The following GTF2IRD1 variants were observed in gnomAD, a reference collection of about 807,000 sequenced individuals.
The protein encoded by GTF2IRD1 is GTF2I repeat domain containing 1.
In GTF2IRD1, 26 loss-of-function variants were observed where a neutral mutation model predicts 113.2. The observed-to-expected ratio is 0.23, with a 90% CI of 0.17 to 0.32. GTF2IRD1 has a LOEUF of 0.32. Among genes scored for constraint, GTF2IRD1 ranks in the 10% least tolerant of loss-of-function variants. The pLI is 1.00. For synonymous variants in GTF2IRD1, 484 were observed against 529.1 expected (o/e 0.91, Z 1.17); for missense variants, 864 against 1,280.8 (o/e 0.67, Z 4.97).
chr7:74,567,696 G>A (rs1402720960), intron 22 of GTF2IRD1, among the ~76,000 whole-genome samples: 3 of 151,972 alleles, frequency 2.0e-5, no homozygotes, highest in East Asian at 1.9e-4. Context: ...GCCACACATC[G>A]GGGGGGTCAG....
At position 74,587,210 on chromosome 7, in the gene GTF2IRD1, C is replaced by A. The variant is rs1354463743; in HGVS notation, c.2321-2641C>A. Among the ~76,000 whole-genome samples the A allele has an allele frequency of 2.6e-5, 4 of 152,120 alleles. No individual in the cohort carries two copies. The East Asian group carries it at 7.8e-4, about 29-fold the overall frequency. On this transcript the variant is annotated intron_variant, in intron 22 of 26. Coordinates refer to ENST00000424337, the MANE Select transcript of GTF2IRD1 (RefSeq NM_005685.4). ...CTGTAATCCCAGCACTTTGGGAGAC[C>A]GAGGCAGGCAGATCACCTGAGCTCA...
intron 1 of GTF2IRD1, chr7:74,506,038 G>A (rs1554340980): frequency 6.6e-6 from 1 of 152,182 alleles, no homozygotes; most frequent in Non-Finnish European, 1.5e-5. Context: ...AACGCCCACC[G>A]GCCAGTTGTT....
chr7:74,551,811 C>T (rs782586644), intron 17 of GTF2IRD1, among the ~76,000 whole-genome samples: 5 of 152,110 alleles, frequency 3.3e-5, no homozygotes, highest in Non-Finnish European at 7.4e-5. Flanking sequence ...TGGCGTGTGC[C>T]TGTAATCCCA....
intron 1 of GTF2IRD1, among the ~76,000 whole-genome samples, chr7:74,462,365 A>G (rs1395356968): frequency 6.6e-6 from 1 of 152,132 alleles, no homozygotes; most frequent in Non-Finnish European, 1.5e-5. Flanking sequence ...TCTTGTCCTG[A>G]CCCCAGCAAC....
At chr7:74,458,836 G>A (rs1793167898) in intron 1 of GTF2IRD1, among the ~76,000 whole-genome samples, 1 of 146,982 alleles carries the variant, frequency 6.8e-6, no homozygotes. Context: ...TGTATTTTTA[G>A]TAGAGACGGG....
intron 14 of GTF2IRD1, among the ~76,000 whole-genome samples, chr7:74,542,631 T>C (rs1798695730): frequency 6.6e-6 from 1 of 152,216 alleles, no homozygotes; most frequent in Admixed American, 6.5e-5. Flanking sequence ...AAAATATGAT[T>C]TGTCCAGCAC....
At chr7:74,518,027 C>A (rs1257257816) in intron 4 of GTF2IRD1, 112 bp from the exon 5 acceptor site, 9 of 671,162 alleles carry the variant, frequency 1.3e-5, no homozygotes, top group Non-Finnish European at 2.1e-5. Flanking sequence ...CCATGGGAAC[C>A]CCGCACCAAG....
At chr7:74,600,549 A>C (rs1802691309) in intron 25 of GTF2IRD1, among the ~76,000 whole-genome samples, 1 of 152,146 alleles carries the variant, frequency 6.6e-6, no homozygotes, top group African/African-American at 2.4e-5. Context: ...TCTCTACTCA[A>C]AATACAAAAA....
chr7:74,599,579 T>C (rs919324168), intron 25 of GTF2IRD1, among the ~76,000 whole-genome samples: 1 of 152,206 alleles, frequency 6.6e-6, no homozygotes, highest in East Asian at 1.9e-4. Context: ...GGACTTCTGA[T>C]TCTAAACCAG....
chr7:74,565,806 CAAA>C (rs1421828341), intron 22 of GTF2IRD1, among the ~76,000 whole-genome samples: 1 of 151,744 alleles, frequency 6.6e-6, no homozygotes. Flanking sequence ...CCCATCTCTA[CAAA>C]AAAAATTTTT....
rs563504328 is a variant in GTF2IRD1 at position 74,489,657 on chromosome 7, T to C, written c.-6-18418T>C. Among the ~76,000 whole-genome samples, 10 of 152,252 alleles carry C rather than the reference T, an allele frequency of 6.6e-5. No homozygotes were observed. The South Asian group carries it at 2.1e-3, about 32-fold the overall frequency. ...CACTCCTGGCCTGGTTTCAGTTCCT[T>C]TCTAAGGGCAAGGACAGCTCTCCTA... On this transcript the variant is annotated intron_variant, in intron 1 of 26. Coordinates refer to ENST00000424337, the MANE Select transcript of GTF2IRD1 (RefSeq NM_005685.4).
chr7:74,476,199 G>GCTGGTGGTGC (rs1794396616), intron 1 of GTF2IRD1, among the ~76,000 whole-genome samples: 1 of 152,052 alleles, frequency 6.6e-6, no homozygotes, highest in African/African-American at 2.4e-5. Context: ...GTAGGTGTGG[G>GCTGGTGGTGC]CTGGTGGTGC....
chr7:74,518,642 G>A (rs1214795221), intron 5 of GTF2IRD1, among the ~76,000 whole-genome samples: 1 of 152,160 alleles, frequency 6.6e-6, no homozygotes, highest in Non-Finnish European at 1.5e-5. Flanking sequence ...CACTTTGGGA[G>A]GCTGAGGTGG....
chr7:74,568,285 A>G (rs1800449637), intron 22 of GTF2IRD1, among the ~76,000 whole-genome samples: 1 of 141,034 alleles, frequency 7.1e-6, no homozygotes, highest in African/African-American at 2.6e-5. Context: ...CAGTAGGATC[A>G]CTTGAGCCCA....
intron 1 of GTF2IRD1, chr7:74,506,301 G>A (rs2267830): frequency 0.1 from 15,763 of 152,158 alleles, 1,999 homozygotes; most frequent in East Asian, 0.38. Context: ...CTGGGCACTG[G>A]TCGGGATCCT....
At chr7:74,463,943 C>T (rs1489104373) in intron 1 of GTF2IRD1, among the ~76,000 whole-genome samples, 1 of 151,878 alleles carries the variant, frequency 6.6e-6, no homozygotes, top group Non-Finnish European at 1.5e-5. Context: ...AGGCTGGTTT[C>T]GAACTCCTGA....
intron 12 of GTF2IRD1, 150 bp downstream of exon 12, chr7:74,538,323 C>T (rs1798422381): frequency 3.9e-6 from 3 of 770,270 alleles, no homozygotes; most frequent in Non-Finnish European, 6.7e-6. Context: ...CTAGGCCTCG[C>T]AGAGCTGAGG....
intron 1 of GTF2IRD1, among the ~76,000 whole-genome samples, chr7:74,462,718 A>AC (rs1431881159): frequency 1.3e-5 from 2 of 151,074 alleles, no homozygotes; most frequent in Non-Finnish European, 3.0e-5. Flanking sequence ...ATCACTACCC[A>AC]CCCCCCACAT....
At chr7:74,500,961 A>T (rs1164781733) in intron 1 of GTF2IRD1, among the ~76,000 whole-genome samples, 2 of 151,836 alleles carry the variant, frequency 1.3e-5, no homozygotes, top group Non-Finnish European at 2.9e-5. Flanking sequence ...TTCTTTATGT[A>T]TGTATGTATT....
Sources: gnomAD v4.1 joint callset for allele counts (sites outside exome capture counted in the v4.1 genomes callset) on GRCh38, gnomAD v4.1.1 for gene constraint, MANE v1.5 for transcripts, NCBI Gene and HGNC (gene_info 2026-07-23, HGNC 2026-07-21) for gene names.